Variants in DTNA observed in about 807,000 individuals in gnomAD.
DTNA encodes dystrophin-related protein 3.
In DTNA, 43 loss-of-function variants were observed where a neutral mutation model predicts 100.7. The observed-to-expected ratio is 0.43, with a 90% confidence interval of 0.33 to 0.55. The LOEUF (loss-of-function observed/expected upper bound fraction) is 0.55, where lower values mean the gene tolerates loss of function less well. DTNA is among the 20% of genes least tolerant of loss of function. DTNA has a pLI of 0.04. For missense variants in DTNA, 798 were observed against 953.9 expected (o/e 0.84, Z 2.15); for synonymous variants, 349 against 347.9 (o/e 1.00, Z -0.04).
intron 1 of DTNA, among the ~76,000 whole-genome samples, chr18:34,642,684 G>A (rs542359370): frequency 3.9e-5 from 6 of 152,042 alleles, no homozygotes; most frequent in East Asian, 1.9e-4. Flanking sequence ...TTAGCCTCCC[G>A]AGTAGCTGGG....
At chr18:34,547,304 T>C (rs2044893239) in intron 1 of DTNA, among the ~76,000 whole-genome samples, 1 of 152,102 alleles carries the variant, frequency 6.6e-6, no homozygotes, top group South Asian at 2.1e-4. Context: ...TTCTAACTCT[T>C]TATGCCAGGG....
intron 1 of DTNA, among the ~76,000 whole-genome samples, chr18:34,550,913 T>C (rs2045340241): frequency 6.6e-6 from 1 of 152,214 alleles, no homozygotes; most frequent in South Asian, 2.1e-4. Flanking sequence ...TTCCTATAAC[T>C]ATTCAGTTAA....
chr18:34,620,627 T>C (rs1400139234), intron 1 of DTNA, among the ~76,000 whole-genome samples: 2 of 152,124 alleles, frequency 1.3e-5, no homozygotes, highest in African/African-American at 2.4e-5. Flanking sequence ...CTTACTATTA[T>C]GTTAGAAGGC....
chr18:34,786,132 T>C (rs963681755), intron 3 of DTNA, among the ~76,000 whole-genome samples: 8 of 152,204 alleles, frequency 5.3e-5, no homozygotes, highest in Non-Finnish European at 1.2e-4. Context: ...GAATGAAACT[T>C]TCCATTTGAG....
intron 17 of DTNA, chr18:34,867,124 C>T: frequency 8.1e-7 from 1 of 1,231,236 alleles, no homozygotes. Context: ...ACATTATTTC[C>T]ATGGATCAAT....
intron 3 of DTNA, among the ~76,000 whole-genome samples, chr18:34,785,959 G>A (rs2094494362): frequency 6.6e-6 from 1 of 152,166 alleles, no homozygotes; most frequent in Non-Finnish European, 1.5e-5. Flanking sequence ...CCAGTGAGCA[G>A]CTTAGGGTAA....
At chr18:34,846,908 G>A (rs1164880395) in intron 13 of DTNA, among the ~76,000 whole-genome samples, 3 of 152,170 alleles carry the variant, frequency 2.0e-5, no homozygotes, top group Non-Finnish European at 4.4e-5. Flanking sequence ...ATTGGCATAA[G>A]AGGGTGTCTT....
chr18:34,553,684 AGTT>A (rs1417934578), intron 1 of DTNA, among the ~76,000 whole-genome samples: 3 of 150,686 alleles, frequency 2.0e-5, no homozygotes, highest in Non-Finnish European at 4.5e-5. Flanking sequence ...AAGATCAGAT[AGTT>A]GTAGATATGC....
chr18:34,890,131 A>T lies in DTNA; in HGVS notation c.*2397A>T. On this transcript the variant is annotated 3_prime_UTR_variant, in exon 23 of 23. Transcript: ENST00000444659. ...GTTTCTACATCAAAATGTTCGTCTAAGATTTGAACTGTTCTGCTGATAACC... is the reference window on the plus strand; with the variant it reads ...GTTTCTACATCAAAATGTTCGTCTATGATTTGAACTGTTCTGCTGATAACC... 1 of 1,400,614 alleles carries T rather than the reference A, an allele frequency of 7.1e-7. No individual in the cohort carries two copies. Among genetic ancestry groups the T allele is most frequent in the Non-Finnish European group, 9.2e-7 (1 of 1,082,316 alleles). 86.8% of individuals were successfully genotyped at this position (1,400,614 alleles called of 1,614,324 possible).
Position 34,825,005 on chromosome 18 carries a change from A to G in DTNA, c.1002-2588A>G, listed in dbSNP as rs1396117833. Among the ~76,000 whole-genome samples the G allele has an allele frequency of 3.9e-5, 6 of 152,116 alleles. No individual in the cohort carries two copies. The East Asian group carries it at 5.8e-4, about 15-fold the overall frequency. The stretch of plus-strand genomic sequence containing the variant: ...TTGCGGTACTAATACACACACATAT[A>G]CACACACATACATACATTTGTATAT... On this transcript the variant is annotated intron_variant, in intron 9 of 22. Coordinates refer to ENST00000444659, the MANE Select transcript of DTNA (RefSeq NM_001386795.1).
At chr18:34,539,523 CAG>C (rs2044046783) in intron 1 of DTNA, among the ~76,000 whole-genome samples, 2 of 152,024 alleles carry the variant, frequency 1.3e-5, no homozygotes, top group Non-Finnish European at 2.9e-5. Flanking sequence ...TGTCAGGAAT[CAG>C]AGGTTCCAGG....
At chr18:34,799,192 G>T (rs976767645) in intron 4 of DTNA, among the ~76,000 whole-genome samples, 6 of 152,062 alleles carry the variant, frequency 3.9e-5, no homozygotes, top group African/African-American at 1.4e-4. Flanking sequence ...TCACATAATA[G>T]TCTTACGTAG....
At chr18:34,583,787 CTGTT>C (rs2048862206) in intron 1 of DTNA, among the ~76,000 whole-genome samples, 1 of 152,118 alleles carries the variant, frequency 6.6e-6, no homozygotes, top group African/African-American at 2.4e-5. Flanking sequence ...GAAAACAGGA[CTGTT>C]TGAAATTCTT....
At chr18:34,562,984 A>G (rs2046771845) in intron 1 of DTNA, among the ~76,000 whole-genome samples, 1 of 152,206 alleles carries the variant, frequency 6.6e-6, no homozygotes, top group Non-Finnish European at 1.5e-5. Context: ...AAAACTTTTG[A>G]CTGTGGAGAA....
intron 3 of DTNA, among the ~76,000 whole-genome samples, chr18:34,770,632 C>T (rs1257399804): frequency 6.6e-6 from 1 of 152,076 alleles, no homozygotes; most frequent in Non-Finnish European, 1.5e-5. Flanking sequence ...GCCACTGTCA[C>T]CCATGAACTA....
rs182088367 is a variant in DTNA, at chr18:34,617,258, T to C, written c.-2+123744T>C. 9.1e-4 allele frequency among the ~76,000 whole-genome samples: 139 copies of C among 152,320 alleles called. 1 individual carries two copies. Among genetic ancestry groups the C allele is most frequent in the Admixed American group, 2.7e-3 (41 of 15,284 alleles). On this transcript the variant is annotated intron_variant, in intron 1 of 19. Coordinates refer to the DTNA transcript ENST00000283365. ...TTCAGTATGATGTTGCCTGTGGGTT[T>C]GTTATAGATGGCTCTTACTATTTTA...
Position 34,798,019 on chromosome 18 carries a change from A to G in DTNA, c.362+3769A>G, listed in dbSNP as rs142029757. 4.0e-3 allele frequency among the ~76,000 whole-genome samples: 607 copies of G among 152,212 alleles called. 2 individuals carry two copies. The highest frequency in any genetic ancestry group is 0.018 in the South Asian group (86 of 4,824). On this transcript the variant is annotated intron_variant, in intron 4 of 22. Transcript: ENST00000444659. ...AATTTCTTTTAACTATTTTTTTTTA[A>G]GACCGAGTCTCACTCTGCCGCCCAG... is the stretch of plus-strand genomic sequence containing the variant.
intron 1 of DTNA, among the ~76,000 whole-genome samples, chr18:34,555,970 T>C (rs945970889): frequency 2.7e-5 from 4 of 149,900 alleles, no homozygotes; most frequent in Admixed American, 2.7e-4. Context: ...GACAGTGGGG[T>C]GTTAAAGTCT....
At chr18:34,693,175 C>A (rs2082835088) in intron 1 of DTNA, among the ~76,000 whole-genome samples, 1 of 152,124 alleles carries the variant, frequency 6.6e-6, no homozygotes, top group Non-Finnish European at 1.5e-5. Context: ...TTCATTCATT[C>A]ATTTTTTAAA....
Sources: allele counts gnomAD v4.1 joint callset (sites outside exome capture counted in the v4.1 genomes callset), GRCh38; gene constraint gnomAD v4.1.1; transcripts MANE v1.5; gene names NCBI Gene and HGNC (gene_info 2026-07-23, HGNC 2026-07-21).